Variants in TBCK observed in about 807,000 individuals in gnomAD.
TBCK encodes TBC1 domain containing kinase.
A neutral mutation model predicts 113.4 loss-of-function variants in TBCK; 99 were observed. That is an observed-to-expected ratio of 0.87 (90% confidence interval 0.74 to 1.03). The LOEUF (loss-of-function observed/expected upper bound fraction) is 1.03, where lower values mean the gene tolerates loss of function less well. Ranked by LOEUF, TBCK falls within the 50% of genes least tolerant of loss-of-function variation. TBCK has a pLI of 0.00. For synonymous variants in TBCK, 369 were observed against 370.8 expected (o/e 1.00, Z 0.05); for missense variants, 1,045 against 1,061.3 (o/e 0.98, Z 0.21).
At chr4:106,063,262 C>G (rs1736256006) in intron 25 of TBCK, among the ~76,000 whole-genome samples, 1 of 151,922 alleles carries the variant, frequency 6.6e-6, no homozygotes, top group African/African-American at 2.4e-5. Flanking sequence ...ATAACAAGAT[C>G]AAGAAAGAAT....
chr4:106,139,466 G>A (rs1156839460), intron 23 of TBCK, among the ~76,000 whole-genome samples: 1 of 141,562 alleles, frequency 7.1e-6, no homozygotes, highest in Non-Finnish European at 1.6e-5. Context: ...CATTTTAAAT[G>A]AGAAGGAAGA....
At chr4:106,072,203 C>A (rs1024214913) in intron 25 of TBCK, among the ~76,000 whole-genome samples, 1 of 152,214 alleles carries the variant, frequency 6.6e-6, no homozygotes, top group Admixed American at 6.5e-5. Context: ...ATAGTCTTTA[C>A]AATTTGGCAT....
intron 3 of TBCK, among the ~76,000 whole-genome samples, chr4:106,285,431 A>T (rs1335373826): frequency 6.6e-6 from 1 of 152,138 alleles, no homozygotes; most frequent in Non-Finnish European, 1.5e-5. Context: ...TACTACTATG[A>T]CATTTCAGTA....
chr4:106,295,308 A>G (rs1453583914), intron 2 of TBCK, 142 bp from the exon 3 acceptor site: 2 of 530,042 alleles, frequency 3.8e-6, no homozygotes, highest in Non-Finnish European at 6.6e-6. Flanking sequence ...TATTAACTAC[A>G]TTATTACCAA....
chr4:106,060,073 A>G (rs533741006), intron 25 of TBCK, among the ~76,000 whole-genome samples: 1 of 151,804 alleles, frequency 6.6e-6, no homozygotes, highest in Non-Finnish European at 1.5e-5. Flanking sequence ...GCTAGCAGAC[A>G]TTGGTTCATG....
chr4:106,303,470 A>T (rs754951969), intron 2 of TBCK, among the ~76,000 whole-genome samples: 4 of 151,962 alleles, frequency 2.6e-5, no homozygotes, highest in Non-Finnish European at 5.9e-5. Flanking sequence ...GGGTTCACAG[A>T]CCTCCCAAAG....
chr4:106,058,795 A>G (rs1304162462), intron 25 of TBCK, among the ~76,000 whole-genome samples: 2 of 151,732 alleles, frequency 1.3e-5, no homozygotes, highest in African/African-American at 4.8e-5. Flanking sequence ...TATTTTGGCA[A>G]CTATCAAATT....
Position 106,046,362 on chromosome 4 carries a change from A to C in TBCK, c.*208T>G. On this transcript the variant is annotated 3_prime_UTR_variant, in exon 26 of 26. Coordinates refer to ENST00000394708, the MANE Select transcript of TBCK (RefSeq NM_001163435.3). ...ATGATCAGATTTCACTGTTAAGAAA[A>C]TTCTTTCAGCAATACATGTAGAGTC... The C allele has an allele frequency of 2.3e-6, 1 of 432,544 alleles. No homozygotes were observed. Among genetic ancestry groups the C allele is most frequent in the South Asian group, 3.9e-5 (1 of 25,486 alleles). 26.8% of individuals were successfully genotyped at this position (432,544 alleles called of 1,614,324 possible).
In TBCK at chr4:106,178,296, T is replaced by C. The variant is rs12501060; in HGVS notation, c.2060-7026A>G. On this transcript the variant is annotated intron_variant, in intron 22 of 25. Transcript: ENST00000394708. ...AATAATTTGAGTTCTTTCTTTCCAA[T>C]TGAATGTGTTAATTTTTTTTTCTGT... Among the ~76,000 whole-genome samples, 47 of 151,828 alleles carry C rather than the reference T, an allele frequency of 3.1e-4. 2 individuals are homozygous for C. The highest frequency in any genetic ancestry group is 2.7e-3 in the Admixed American group (41 of 15,244).
intron 3 of TBCK, among the ~76,000 whole-genome samples, chr4:106,278,636 A>G (rs552043773): frequency 8.0e-5 from 12 of 150,710 alleles, no homozygotes; most frequent in African/African-American, 2.9e-4. Context: ...TTTTTTCTTC[A>G]TTTCTCAAAG....
At chr4:106,237,787 G>A (rs929522846) in intron 12 of TBCK, among the ~76,000 whole-genome samples, 2 of 151,950 alleles carry the variant, frequency 1.3e-5, no homozygotes, top group African/African-American at 2.4e-5. Context: ...AAAATTTTAA[G>A]TTAGGAAATA....
chr4:106,158,322 C>T (rs1380682584), intron 23 of TBCK, among the ~76,000 whole-genome samples: 1 of 152,026 alleles, frequency 6.6e-6, no homozygotes, highest in Non-Finnish European at 1.5e-5. Flanking sequence ...GGTTGTGGAT[C>T]ACCTGAGGTC....
At chr4:106,287,194 T>C (rs1387023368) in intron 3 of TBCK, among the ~76,000 whole-genome samples, 1 of 152,180 alleles carries the variant, frequency 6.6e-6, no homozygotes, top group Admixed American at 6.5e-5. Context: ...GCTATGTCCA[T>C]AAAGACCCTA....
chr4:106,151,765 G>A (rs1259984443), intron 23 of TBCK, among the ~76,000 whole-genome samples: 1 of 151,686 alleles, frequency 6.6e-6, no homozygotes, highest in African/African-American at 2.4e-5. Flanking sequence ...TCAATTTCTT[G>A]TATTAATGTT....
At chr4:106,212,924 T>G in intron 19 of TBCK, 89 bp from the exon 20 acceptor site, 7 of 831,578 alleles carry the variant, frequency 8.4e-6, no homozygotes, top group Non-Finnish European at 1.4e-5. Flanking sequence ...ATACATTGAA[T>G]GAGATTTAAT....
chr4:106,264,688 C>T (rs1197497824), intron 3 of TBCK, among the ~76,000 whole-genome samples: 1 of 151,918 alleles, frequency 6.6e-6, no homozygotes, highest in Non-Finnish European at 1.5e-5. Flanking sequence ...TCTCAGTCAT[C>T]AAGATTTAAC....
At chr4:106,181,819 T>C (rs1345800267) in intron 22 of TBCK, among the ~76,000 whole-genome samples, 1 of 152,176 alleles carries the variant, frequency 6.6e-6, no homozygotes, top group Non-Finnish European at 1.5e-5. Flanking sequence ...CCAGCTTTGT[T>C]CTTCTTGCCA....
chr4:106,243,858 T>C (rs1760458213), intron 11 of TBCK, among the ~76,000 whole-genome samples: 1 of 151,960 alleles, frequency 6.6e-6, no homozygotes, highest in Non-Finnish European at 1.5e-5. Context: ...CCAGCTAATT[T>C]TTTTTCTTTG....
At chr4:106,118,872 GAGA>G (rs1408954014) in intron 23 of TBCK, among the ~76,000 whole-genome samples, 1 of 152,192 alleles carries the variant, frequency 6.6e-6, no homozygotes, top group African/African-American at 2.4e-5. Flanking sequence ...ATGGTAAGAA[GAGA>G]AGGAGAGGAA....
Sources: allele counts gnomAD v4.1 joint callset (sites outside exome capture counted in the v4.1 genomes callset), GRCh38; gene constraint gnomAD v4.1.1; transcripts MANE v1.5; gene names NCBI Gene and HGNC (gene_info 2026-07-23, HGNC 2026-07-21).